The following HECW1 variants were observed in gnomAD, a reference collection of about 807,000 sequenced individuals.
HECW1 encodes the protein HECT, C2 and WW domain containing E3 ubiquitin protein ligase 1.
A neutral mutation model predicts 182.3 loss-of-function variants in HECW1; 61 were observed. The observed-to-expected ratio is 0.33, with a 90% CI of 0.27 to 0.41. The LOEUF (loss-of-function observed/expected upper bound fraction) is 0.41. HECW1 is among the 10% of genes least tolerant of loss of function. HECW1 has a pLI of 1.00. For missense variants in HECW1, 1,739 were observed against 2,108.9 expected (o/e 0.82, Z 3.44); for synonymous variants, 859 against 832.6 (o/e 1.03, Z -0.55).
At chr7:43,466,703 C>A in intron 15 of HECW1, 135 bp downstream of exon 15, 1 of 1,044,846 alleles carries the variant, frequency 9.6e-7, no homozygotes. Context: ...CAGCTCAGTC[C>A]ACTCTTTTGA....
intron 13 of HECW1, among the ~76,000 whole-genome samples, chr7:43,459,483 A>G (rs935325092): frequency 3.9e-5 from 6 of 152,192 alleles, no homozygotes; most frequent in Middle Eastern, 3.4e-3. Flanking sequence ...TGATAATTTA[A>G]GGGAAATAGA....
In HECW1 at chr7:43,322,033, G is replaced by C. The variant is rs767387806; in HGVS notation, c.460+1291G>C. Among the ~76,000 whole-genome samples the C allele has an allele frequency of 6.6e-5, 10 of 152,290 alleles. 1 individual carries two copies. Among genetic ancestry groups the C allele is most frequent in the Admixed American group, 5.9e-4 (9 of 15,302 alleles). On this transcript the variant is annotated intron_variant, in intron 5 of 29. Coordinates refer to ENST00000395891, the MANE Select transcript of HECW1 (RefSeq NM_015052.5). ...GTAAGATATGGTTTCTGGCTCTTGTGTTTGAGATAGGCATAATAAAACTCC... is the reference window on the plus strand; with the variant it reads ...GTAAGATATGGTTTCTGGCTCTTGTCTTTGAGATAGGCATAATAAAACTCC...
chr7:43,561,289 G>A (rs571747974), intron 29 of HECW1, among the ~76,000 whole-genome samples: 3 of 152,284 alleles, frequency 2.0e-5, no homozygotes, highest in South Asian at 4.1e-4. Flanking sequence ...TCGACTTTAG[G>A]TTCTGTGGGT....
intron 7 of HECW1, among the ~76,000 whole-genome samples, chr7:43,402,331 A>G (rs1373218056): frequency 1.3e-5 from 2 of 152,178 alleles, no homozygotes; most frequent in Admixed American, 1.3e-4. Context: ...CCGGAGCCCA[A>G]AAGCACTCAC....
intron 2 of HECW1, among the ~76,000 whole-genome samples, chr7:43,231,267 C>T (rs1264177718): frequency 6.6e-6 from 1 of 152,226 alleles, no homozygotes; most frequent in Admixed American, 6.5e-5. Flanking sequence ...TCATATGTCC[C>T]TCCCATCACA....
chr7:43,134,968 C>T (rs1025895278), intron 2 of HECW1, among the ~76,000 whole-genome samples: 3 of 152,108 alleles, frequency 2.0e-5, no homozygotes, highest in African/African-American at 4.8e-5. Context: ...TTTTTGCTCT[C>T]GTTGACTTTA....
intron 25 of HECW1, 73 bp from the exon 26 acceptor site, chr7:43,541,796 A>G (rs2081372681): frequency 7.6e-7 from 1 of 1,313,880 alleles, no homozygotes; most frequent in Admixed American, 2.9e-5. Flanking sequence ...CAGGAATGAT[A>G]TAACCACATT....
intron 24 of HECW1, chr7:43,523,267 A>C (rs2080594409): frequency 4.6e-6 from 1 of 217,108 alleles, no homozygotes; most frequent in Non-Finnish European, 9.6e-6. Flanking sequence ...GGCCTCCCAA[A>C]GTGCTGGGAT....
chr7:43,367,044 C>T (rs1816739765), intron 6 of HECW1, among the ~76,000 whole-genome samples: 1 of 152,132 alleles, frequency 6.6e-6, no homozygotes, highest in Non-Finnish European at 1.5e-5. Context: ...AGTCATTTTC[C>T]TCAACTCGTA....
chr7:43,347,934 A>C (rs1007084523), intron 5 of HECW1, among the ~76,000 whole-genome samples: 1 of 152,130 alleles, frequency 6.6e-6, no homozygotes, highest in African/African-American at 2.4e-5. Flanking sequence ...TATTTTGTTA[A>C]AGATTTTAGC....
In HECW1 at chr7:43,138,687, C is replaced by A. The variant is rs893604630; in HGVS notation, c.-32+24296C>A. On this transcript the variant is annotated intron_variant, in intron 2 of 29. Coordinates refer to ENST00000395891, the MANE Select transcript of HECW1 (RefSeq NM_015052.5). ...TGTTCTGTGCCTTAGTAAAAACCCT[C>A]TCTCTCTTTTAGACCAAGTGACCTA... Among the ~76,000 whole-genome samples, 6 of 152,190 alleles carry A rather than the reference C, an allele frequency of 3.9e-5. No homozygotes were observed. The South Asian group carries it at 8.3e-4, about 21-fold the overall frequency.
intron 5 of HECW1, among the ~76,000 whole-genome samples, chr7:43,326,645 C>G (rs1195141584): frequency 6.6e-6 from 1 of 152,208 alleles, no homozygotes; most frequent in Non-Finnish European, 1.5e-5. Context: ...TGAGAGGAAA[C>G]AGGGCAGGAT....
intron 2 of HECW1, among the ~76,000 whole-genome samples, chr7:43,224,688 G>A (rs1335787175): frequency 1.3e-5 from 2 of 152,098 alleles, no homozygotes; most frequent in Non-Finnish European, 2.9e-5. Context: ...GGTGGCACAC[G>A]CCTGTCATCC....
chr7:43,473,991 A>G (rs1401846109), intron 16 of HECW1, among the ~76,000 whole-genome samples: 1 of 152,144 alleles, frequency 6.6e-6, no homozygotes, highest in East Asian at 1.9e-4. Flanking sequence ...AAAGGAAAAC[A>G]CTCTCAGCTT....
intron 2 of HECW1, among the ~76,000 whole-genome samples, chr7:43,199,821 T>A (rs1027815329): frequency 6.6e-6 from 1 of 152,210 alleles, no homozygotes; most frequent in Non-Finnish European, 1.5e-5. Context: ...CTATTTCCTG[T>A]TAAAATGAGA....
At chr7:43,307,876 C>CTATATATATATATACATATA (rs1159882535) in intron 3 of HECW1, among the ~76,000 whole-genome samples, 1 of 127,604 alleles carries the variant, frequency 7.8e-6, no homozygotes, top group Non-Finnish European at 1.6e-5. Context: ...AATCATTTCA[C>CTATATATATATATACATATA]TATATATATA....
chr7:43,115,870 A>C (rs1220501852), intron 2 of HECW1, among the ~76,000 whole-genome samples: 2 of 152,194 alleles, frequency 1.3e-5, no homozygotes, highest in African/African-American at 4.8e-5. Context: ...TATTGCAGTT[A>C]TCTGAGTTGT....
At chr7:43,427,279 T>C (rs1562963513) in intron 8 of HECW1, among the ~76,000 whole-genome samples, 1 of 152,120 alleles carries the variant, frequency 6.6e-6, no homozygotes, top group East Asian at 1.9e-4. Context: ...GGTGCCACAG[T>C]CAAATATGGA....
At chr7:43,508,666 T>C (rs2079707405) in intron 23 of HECW1, 1 of 380,746 alleles carries the variant, frequency 2.6e-6, no homozygotes. Flanking sequence ...GGCCTTGTAT[T>C]CAATGGGCCA....
Sources: gnomAD v4.1 joint callset for allele counts (sites outside exome capture counted in the v4.1 genomes callset) on GRCh38, gnomAD v4.1.1 for gene constraint, MANE v1.5 for transcripts, NCBI Gene and HGNC (gene_info 2026-07-23, HGNC 2026-07-21) for gene names.